Variants in PCDH9 observed in about 807,000 individuals in gnomAD.
The protein encoded by PCDH9 is protocadherin 9, also known as protocadherin-9.
PCDH9 carries 24 observed loss-of-function variants against 70.6 expected under a neutral mutation model. That is an observed-to-expected ratio of 0.34 (90% CI 0.25 to 0.48). PCDH9 has a LOEUF of 0.48. PCDH9 is among the 20% of genes least tolerant of loss of function. The pLI is 0.99. For synonymous variants in PCDH9, 562 were observed against 558.5 expected (o/e 1.01, Z -0.09); for missense variants, 1,281 against 1,503.6 (o/e 0.85, Z 2.45).
chr13:66,743,791 G>T (rs916224667), intron 3 of PCDH9, among the ~76,000 whole-genome samples: 1 of 151,832 alleles, frequency 6.6e-6, no homozygotes, highest in Admixed American at 6.6e-5. Flanking sequence ...AAACAACTAA[G>T]TTAAAAAATT....
intron 2 of PCDH9, among the ~76,000 whole-genome samples, chr13:67,030,802 T>G (rs1341440706): frequency 3.3e-5 from 5 of 152,156 alleles, no homozygotes; most frequent in African/African-American, 1.2e-4. Flanking sequence ...TTTAAAAAGT[T>G]AAATTTTTCA....
chr13:66,352,532 C>A (rs528762032), intron 4 of PCDH9, among the ~76,000 whole-genome samples: 1 of 152,250 alleles, frequency 6.6e-6, no homozygotes, highest in African/African-American at 2.4e-5. Flanking sequence ...TATGTACTCA[C>A]AGGACCTCTT....
At chr13:67,162,189 A>G (rs1475506736) in intron 2 of PCDH9, among the ~76,000 whole-genome samples, 1 of 152,224 alleles carries the variant, frequency 6.6e-6, no homozygotes, top group East Asian at 1.9e-4. Context: ...GCCATCCTAA[A>G]TAATGTGCAG....
chr13:67,195,340 TCATCGTGTTAGAC>T (rs2089033521), intron 2 of PCDH9, among the ~76,000 whole-genome samples: 1 of 152,094 alleles, frequency 6.6e-6, no homozygotes, highest in Non-Finnish European at 1.5e-5. Context: ...AAACGGCGTT[TCATCGTGTTAGAC>T]AGGATGGTCT....
chr13:66,945,912 T>C (rs987704373), intron 2 of PCDH9, among the ~76,000 whole-genome samples: 3 of 152,166 alleles, frequency 2.0e-5, no homozygotes, highest in African/African-American at 7.2e-5. Flanking sequence ...AGTTTCAAAA[T>C]GTAACAAATT....
chr13:66,788,568 T>A (rs1362658810), intron 3 of PCDH9, among the ~76,000 whole-genome samples: 2 of 151,918 alleles, frequency 1.3e-5, no homozygotes, highest in Non-Finnish European at 2.9e-5. Context: ...GGAATTGGCA[T>A]GCTAGCTCAC....
intron 4 of PCDH9, among the ~76,000 whole-genome samples, chr13:66,347,464 T>A (rs751961847): frequency 6.6e-6 from 1 of 152,094 alleles, no homozygotes; most frequent in Non-Finnish European, 1.5e-5. Context: ...ATTCTATCAC[T>A]CGGAAAAAAA....
intron 4 of PCDH9, among the ~76,000 whole-genome samples, chr13:66,576,232 A>AAT (rs1044812213): frequency 4.6e-5 from 7 of 152,048 alleles, no homozygotes; most frequent in Admixed American, 3.9e-4. Flanking sequence ...AAAATTTCAA[A>AAT]ATATATATAT....
intron 4 of PCDH9, among the ~76,000 whole-genome samples, chr13:66,547,116 A>G (rs1191454016): frequency 6.6e-6 from 1 of 152,142 alleles, no homozygotes; most frequent in African/African-American, 2.4e-5. Context: ...ATCTTACCAA[A>G]CTTTATAGAA....
intron 4 of PCDH9, among the ~76,000 whole-genome samples, chr13:66,450,174 A>G (rs1029181373): frequency 3.3e-5 from 5 of 152,192 alleles, no homozygotes; most frequent in Admixed American, 2.0e-4. Context: ...ATCTTTCAAT[A>G]TTGTATAAAA....
chr13:66,330,143 C>G (rs1034767648), intron 4 of PCDH9, among the ~76,000 whole-genome samples: 1 of 152,220 alleles, frequency 6.6e-6, no homozygotes, highest in African/African-American at 2.4e-5. Context: ...TTGCACATGG[C>G]ATGAATCATA....
At chr13:66,682,355 T>C (rs546266317) in intron 3 of PCDH9, among the ~76,000 whole-genome samples, 1 of 376 alleles carries the variant, frequency 2.7e-3, no homozygotes, top group Non-Finnish European at 4.2e-3. Context: ...GTATTTATTA[T>C]CTATCTATCT....
chr13:66,398,511 T>C (rs566652227), intron 4 of PCDH9, among the ~76,000 whole-genome samples: 20 of 152,270 alleles, frequency 1.3e-4, no homozygotes, highest in African/African-American at 4.8e-4. Context: ...CTCTCCTTTG[T>C]TGATTCTCAC....
At chr13:66,627,799 C>CTA (rs959514807) in intron 4 of PCDH9, among the ~76,000 whole-genome samples, 1 of 152,142 alleles carries the variant, frequency 6.6e-6, no homozygotes, top group African/African-American at 2.4e-5. Flanking sequence ...GGTAAAAACT[C>CTA]TAGAGATTTC....
chr13:67,015,737 C>T (rs1199249402), intron 2 of PCDH9, among the ~76,000 whole-genome samples: 1 of 152,164 alleles, frequency 6.6e-6, no homozygotes, highest in African/African-American at 2.4e-5. Context: ...TTAGTCCCAA[C>T]TTCAGTTTCT....
intron 2 of PCDH9, among the ~76,000 whole-genome samples, chr13:67,046,500 C>G (rs761655004): frequency 7.9e-5 from 12 of 152,006 alleles, no homozygotes; most frequent in Non-Finnish European, 1.5e-4. Context: ...TCACAATGAT[C>G]AATGTAAAAA....
chr13:67,051,382 A>ATTTTTTTTTTTTTT lies in PCDH9; in HGVS notation c.3037-147791_3037-147778dup, dbSNP rs567408801. On this transcript the variant is annotated intron_variant, in intron 2 of 4. Transcript: ENST00000377865. ...CGAAATACCAGGAAAACAATACAAGATTTTTTTTTTTTTTTTTTTTTTTTT... is the reference window on the plus strand; with the variant it reads ...CGAAATACCAGGAAAACAATACAAGATTTTTTTTTTTTTTTTTTTTTTTTTTTTTTTTTTTTTTT... 3.1e-4 allele frequency among the ~76,000 whole-genome samples: 22 copies of ATTTTTTTTTTTTTT among 71,008 alleles called. 2 individuals carry two copies. Among genetic ancestry groups the ATTTTTTTTTTTTTT allele is most frequent in the South Asian group, 5.9e-4 (1 of 1,692 alleles). 46.6% of individuals were successfully genotyped at this position (71,008 alleles called of 152,430 possible).
intron 2 of PCDH9, among the ~76,000 whole-genome samples, chr13:67,105,033 G>A (rs1261066367): frequency 6.6e-6 from 1 of 151,834 alleles, no homozygotes; most frequent in Non-Finnish European, 1.5e-5. Context: ...CGCTAACACT[G>A]CTACATCTAG....
rs747843255 is a variant in PCDH9, at chr13:66,653,150, C to T, written c.3139-21739G>A. Among the ~76,000 whole-genome samples the T allele has an allele frequency of 2.6e-5, 4 of 152,174 alleles. No homozygotes were observed. In the East Asian group the frequency reaches 7.7e-4, roughly 29 times the overall value. ...AAGCAAAAATAGACAAATGAGATCA[C>T]ATCAAGTTAAAAAGCTTCTTCACAG... On this transcript the variant is annotated intron_variant, in intron 3 of 4. Transcript: ENST00000377865.
Sources: allele counts gnomAD v4.1 joint callset (sites outside exome capture counted in the v4.1 genomes callset), GRCh38; gene constraint gnomAD v4.1.1; transcripts MANE v1.5; gene names NCBI Gene and HGNC (gene_info 2026-07-23, HGNC 2026-07-21).